KAT2B: variants seen among roughly 807,000 people sequenced by gnomAD.
KAT2B encodes the protein histone acetyltransferase KAT2B.
In KAT2B, 36 loss-of-function variants were observed where a neutral mutation model predicts 105.9. That is an observed-to-expected ratio of 0.34 (90% confidence interval 0.26 to 0.45). The LOEUF is 0.45. KAT2B is among the 20% of genes least tolerant of loss of function. The pLI, the probability that KAT2B is intolerant of heterozygous loss-of-function variation, is 1.00. For missense variants in KAT2B, 820 were observed against 1,021.6 expected (o/e 0.80, Z 2.69); for synonymous variants, 397 against 377.9 (o/e 1.05, Z -0.59).
At chr3:20,043,327 T>C (rs1470044474) in intron 1 of KAT2B, among the ~76,000 whole-genome samples, 1 of 152,190 alleles carries the variant, frequency 6.6e-6, no homozygotes, top group African/African-American at 2.4e-5. Context: ...AGGAGTTACT[T>C]ATTGTGTGTG....
intron 1 of KAT2B, among the ~76,000 whole-genome samples, chr3:20,044,610 G>T (rs73034177): frequency 0.075 from 11,438 of 151,970 alleles, 578 homozygotes; most frequent in South Asian, 0.22. Flanking sequence ...GGGGTGAGGG[G>T]CTTTGCACAT....
intron 12 of KAT2B, among the ~76,000 whole-genome samples, chr3:20,139,171 T>A (rs1371403895): frequency 6.6e-6 from 1 of 152,086 alleles, no homozygotes; most frequent in African/African-American, 2.4e-5. Context: ...TGCCTCAGTC[T>A]CCCAAAGTGC....
intron 17 of KAT2B, among the ~76,000 whole-genome samples, chr3:20,151,109 CTTAGCGCT>C (rs1699861845): frequency 6.6e-6 from 1 of 152,066 alleles, no homozygotes; most frequent in Admixed American, 6.6e-5. Context: ...CTTTGTGTTT[CTTAGCGCT>C]TTTAGATTTT....
At chr3:20,146,917 T>C (rs1373137461) in intron 14 of KAT2B, among the ~76,000 whole-genome samples, 1 of 152,174 alleles carries the variant, frequency 6.6e-6, no homozygotes, top group Non-Finnish European at 1.5e-5. Context: ...TTGACTAGTC[T>C]CCCCAAACTT....
At chr3:20,152,234 A>G (rs1045587463) in intron 17 of KAT2B, 98 bp from the exon 18 acceptor site, 6 of 720,498 alleles carry the variant, frequency 8.3e-6, no homozygotes, top group African/African-American at 3.5e-5. Context: ...ATAAAAATGT[A>G]ATCAAACCAA....
intron 13 of KAT2B, among the ~76,000 whole-genome samples, chr3:20,142,092 A>G (rs1699704291): frequency 6.6e-6 from 1 of 152,186 alleles, no homozygotes; most frequent in African/African-American, 2.4e-5. Context: ...CCACGGTGTT[A>G]GCTGAGAGCA....
rs1062974 is a variant in KAT2B, at chr3:20,154,262, T to A, written c.*1737T>A. 1 of 152,656 alleles carries A rather than the reference T, an allele frequency of 6.6e-6. No homozygotes were observed. The highest frequency in any genetic ancestry group is 1.5e-5 in the Non-Finnish European group (1 of 68,040). The allele number at this position is 152,656 out of a possible 1,614,324, so 9.5% of individuals were successfully genotyped here. On this transcript the variant is annotated 3_prime_UTR_variant, in exon 18 of 18. Coordinates refer to ENST00000263754, the MANE Select transcript of KAT2B (RefSeq NM_003884.5). ...TTCTAATTTAAAAATTAATATTTTC[T>A]TATAGATATTGTGCAATAAAGCTGA...
chr3:20,149,477 TGGA>T (rs1179212854), intron 17 of KAT2B, among the ~76,000 whole-genome samples: 2 of 68,514 alleles, frequency 2.9e-5, no homozygotes, highest in African/African-American at 1.7e-4. Flanking sequence ...GCCTGGGCAC[TGGA>T]GGGAGACCGT....
At chr3:20,099,790 AAGAG>A in intron 3 of KAT2B, 68 bp from the exon 4 acceptor site, 1 of 740,016 alleles carries the variant, frequency 1.4e-6, no homozygotes, top group Non-Finnish European at 2.4e-6. Flanking sequence ...ACAGAAACAG[AAGAG>A]AGAGGAGAGA....
At chr3:20,118,173 A>G (rs1016201618) in intron 7 of KAT2B, among the ~76,000 whole-genome samples, 3 of 147,028 alleles carry the variant, frequency 2.0e-5, no homozygotes. Context: ...TATATATAAA[A>G]TATATTATAT....
chr3:20,111,253 C>T (rs1360275505), intron 5 of KAT2B, among the ~76,000 whole-genome samples: 2 of 152,132 alleles, frequency 1.3e-5, no homozygotes, highest in South Asian at 4.1e-4. Flanking sequence ...CCCCATTTTA[C>T]AGGTAAGGAA....
intron 2 of KAT2B, among the ~76,000 whole-genome samples, chr3:20,091,437 A>G (rs1371533679): frequency 6.6e-6 from 1 of 151,964 alleles, no homozygotes; most frequent in Non-Finnish European, 1.5e-5. Context: ...ATCTTTTCAA[A>G]GAACCAACTT....
chr3:20,150,315 A>C (rs774535805), intron 17 of KAT2B, among the ~76,000 whole-genome samples: 19 of 152,248 alleles, frequency 1.2e-4, no homozygotes, highest in South Asian at 1.0e-3. Context: ...TTGACAAATC[A>C]GTAATTTTAC....
At chr3:20,073,943 C>G (rs769657817) in intron 2 of KAT2B, among the ~76,000 whole-genome samples, 2 of 152,190 alleles carry the variant, frequency 1.3e-5, no homozygotes, top group African/African-American at 4.8e-5. Context: ...AGCAGATTGT[C>G]TCCATTCTAA....
intron 11 of KAT2B, among the ~76,000 whole-genome samples, chr3:20,135,856 T>C (rs1699591080): frequency 6.6e-6 from 1 of 152,120 alleles, no homozygotes; most frequent in South Asian, 2.1e-4. Flanking sequence ...GGAGTAGAAC[T>C]AAGGTCAATA....
chr3:20,101,637 A>G (rs1430715906), intron 5 of KAT2B, among the ~76,000 whole-genome samples, 169 bp downstream of exon 5: 1 of 152,184 alleles, frequency 6.6e-6, no homozygotes, highest in Non-Finnish European at 1.5e-5. Context: ...CATTGCTATC[A>G]TAATATGTTG....
intron 8 of KAT2B, among the ~76,000 whole-genome samples, chr3:20,120,080 A>G (rs138511221): frequency 1.2e-3 from 190 of 152,070 alleles, no homozygotes; most frequent in African/African-American, 4.4e-3. Flanking sequence ...TGCTTCACAT[A>G]TTTCTCATAA....
At chr3:20,109,299 TAGATA>T (rs1351206244) in intron 5 of KAT2B, among the ~76,000 whole-genome samples, 16 of 151,420 alleles carry the variant, frequency 1.1e-4, no homozygotes, top group African/African-American at 3.9e-4. Flanking sequence ...GATAGATAGA[TAGATA>T]GATAGATAGA....
At chr3:20,070,131 G>T (rs1352163668) in intron 1 of KAT2B, among the ~76,000 whole-genome samples, 1 of 152,014 alleles carries the variant, frequency 6.6e-6, no homozygotes, top group Non-Finnish European at 1.5e-5. Context: ...TGCTGATGTA[G>T]GTGCTTCTCC....
Sources: gnomAD v4.1 joint callset for allele counts (sites outside exome capture counted in the v4.1 genomes callset) on GRCh38, gnomAD v4.1.1 for gene constraint, MANE v1.5 for transcripts, NCBI Gene and HGNC (gene_info 2026-07-23, HGNC 2026-07-21) for gene names.